The following C2orf92 variants were observed in gnomAD, a reference collection of about 807,000 sequenced individuals.
C2orf92 encodes uncharacterized protein C2orf92.
At chr2:97,698,582 A>G (rs1676386024) in intron 5 of C2orf92, among the ~76,000 whole-genome samples, 1 of 152,056 alleles carries the variant, frequency 6.6e-6, no homozygotes, top group South Asian at 2.1e-4. Context: ...CATTATCTCT[A>G]TTTTATGCAA....
intron 5 of C2orf92, among the ~76,000 whole-genome samples, chr2:97,695,945 G>C (rs555497287): frequency 2.6e-5 from 4 of 152,104 alleles, no homozygotes; most frequent in African/African-American, 9.6e-5. Flanking sequence ...GGTTTAGCAG[G>C]GTAGTTCTGG....
At chr2:97,686,455 T>A (rs1675962696) in intron 3 of C2orf92, among the ~76,000 whole-genome samples, 2 of 151,976 alleles carry the variant, frequency 1.3e-5, no homozygotes, top group South Asian at 4.2e-4. Flanking sequence ...AGTCTTGCCC[T>A]GTCACCCAGG....
chr2:97,679,644 C>G (rs1675696865), intron 3 of C2orf92, among the ~76,000 whole-genome samples: 1 of 151,628 alleles, frequency 6.6e-6, no homozygotes. Flanking sequence ...GAGTTTGAAA[C>G]CAGCCTGGCC....
intron 5 of C2orf92, among the ~76,000 whole-genome samples, chr2:97,698,306 G>A (rs1012805300): frequency 1.3e-5 from 2 of 152,118 alleles, no homozygotes; most frequent in East Asian, 3.9e-4. Flanking sequence ...CTGGCCTCCC[G>A]ATTTTCTCCA....
chr2:97,667,430 G>GTTTT (rs1203203673), upstream of C2orf92, among the ~76,000 whole-genome samples: 1 of 118,818 alleles, frequency 8.4e-6, no homozygotes, highest in African/African-American at 3.0e-5. Flanking sequence ...GCCCAGCTAA[G>GTTTT]TTTTTTTTTT....
chr2:97,680,658 G>A (rs2104558311), intron 3 of C2orf92, among the ~76,000 whole-genome samples: 1 of 152,320 alleles, frequency 6.6e-6, no homozygotes, highest in African/African-American at 2.4e-5. Context: ...CAGGGGCGGT[G>A]GCTCACGCCT....
rs1016755149 is a variant in C2orf92 at position 97,690,673 on chromosome 2, GC to G, written c.403+348del. 2.0e-4 allele frequency among the ~76,000 whole-genome samples: 29 copies of G among 146,394 alleles called. No homozygotes were observed. In the East Asian group the frequency reaches 4.9e-3, roughly 25 times the overall value. On this transcript the variant is annotated intron_variant, in intron 5 of 7. Transcript: ENST00000627399. ...TGGGATGACAGGTGTGAGCCACCGG[GC>G]CTGGCCCCTCCTTTTCCTTTTACCT...
At chr2:97,671,826 A>G (rs1043086941) in intron 1 of C2orf92, 2 of 248,002 alleles carry the variant, frequency 8.1e-6, no homozygotes, top group Non-Finnish European at 1.5e-5. Context: ...AACCTCCTCC[A>G]GGGGTTCTCA....
intron 6 of C2orf92, among the ~76,000 whole-genome samples, chr2:97,699,535 G>C (rs373044930): frequency 1.3e-5 from 2 of 152,152 alleles, no homozygotes; most frequent in South Asian, 2.1e-4. Flanking sequence ...AACCCAGTAG[G>C]GGGAGGCTGC....
intron 1 of C2orf92, chr2:97,670,696 G>A (rs1043294630): frequency 6.6e-6 from 1 of 151,936 alleles, no homozygotes; most frequent in African/African-American, 2.4e-5. Context: ...CCAGGTAGCT[G>A]GGACCACAGG....
chr2:97,671,404 C>T (rs1675407839), intron 1 of C2orf92: 1 of 398,110 alleles, frequency 2.5e-6, no homozygotes, highest in Non-Finnish European at 4.4e-6. Context: ...ACCTCAGCCT[C>T]CCCGAGTGCT....
Position 97,702,761 on chromosome 2 carries a change from C to T in C2orf92, c.758C>T (p.Ala253Val). 1 of 398,800 alleles carries T rather than the reference C, an allele frequency of 2.5e-6. No homozygotes were observed. The highest frequency in any genetic ancestry group is 4.4e-6 in the Non-Finnish European group (1 of 226,018). 24.7% of individuals were successfully genotyped at this position (398,800 alleles called of 1,614,324 possible). A position where few individuals can be genotyped will look rare whatever the true frequency, so the allele number is the denominator to read the frequency against. The change falls in exon 8 of 8, where the codon GCA becomes GTA. Residue 253 changes from alanine (A) to valine (V), a missense_variant. Transcript: ENST00000627399. ...NSEEKNFTKLAKKQKQLKSSS... is the reference protein window; with the variant it reads ...NSEEKNFTKLVKKQKQLKSSS... Reference sequence around the variant, plus strand: ...GAAGAAAAAAATTTCACAAAACTTGCAAAAAAACAGAAACAGTTGAAGAGC... The same window carrying T: ...GAAGAAAAAAATTTCACAAAACTTGTAAAAAAACAGAAACAGTTGAAGAGC...
intron 1 of C2orf92, chr2:97,671,830 G>T (rs1675424484): frequency 1.6e-5 from 4 of 245,228 alleles, no homozygotes; most frequent in Non-Finnish European, 3.1e-5. Flanking sequence ...TCCTCCAGGG[G>T]TTCTCAGCCC....
intron 2 of C2orf92, chr2:97,675,539 C>T (rs1204662647): frequency 7.1e-6 from 2 of 281,306 alleles, no homozygotes; most frequent in African/African-American, 2.2e-5. Context: ...ATTTGCCATA[C>T]ACCATGTAGG....
intron 3 of C2orf92, chr2:97,677,445 A>G (rs1559298437): frequency 6.6e-6 from 1 of 152,230 alleles, no homozygotes; most frequent in Non-Finnish European, 1.5e-5. Context: ...TTATCAGGTC[A>G]TTGACTAACT....
At chr2:97,686,965 C>T (rs187295089) in intron 3 of C2orf92, among the ~76,000 whole-genome samples, 43 of 152,206 alleles carry the variant, frequency 2.8e-4, no homozygotes, top group African/African-American at 1.0e-3. Context: ...TTACAGTGAG[C>T]TGAGACTGCA....
At chr2:97,672,028 A>C (rs545474436) in intron 1 of C2orf92, among the ~76,000 whole-genome samples, 1 of 152,236 alleles carries the variant, frequency 6.6e-6, no homozygotes, top group Non-Finnish European at 1.5e-5. Context: ...TGTGAGAAAA[A>C]CTAAGGCCCA....
chr2:97,690,856 T>C (rs1183109982), intron 5 of C2orf92: 1 of 150,610 alleles, frequency 6.6e-6, no homozygotes, highest in African/African-American at 2.4e-5. Flanking sequence ...CTCAGCTCAC[T>C]GCAAACTCTG....
chr2:97,698,820 T>G (rs1676397568), intron 5 of C2orf92, among the ~76,000 whole-genome samples: 1 of 152,154 alleles, frequency 6.6e-6, no homozygotes, highest in African/African-American at 2.4e-5. Flanking sequence ...TATGGGTGGG[T>G]TGCCCAGGAA....
Sources: allele counts gnomAD v4.1 joint callset (sites outside exome capture counted in the v4.1 genomes callset), GRCh38; gene constraint gnomAD v4.1.1; transcripts MANE v1.5; gene names NCBI Gene and HGNC (gene_info 2026-07-23, HGNC 2026-07-21).